Variants in SLCO6A1 observed in about 807,000 individuals in gnomAD.
SLCO6A1 encodes solute carrier organic anion transporter family member 6A1, also known as cancer/testis antigen 48.
Under a neutral mutation model 72.7 loss-of-function variants are expected in SLCO6A1, and 65 were observed. The ratio of observed to expected loss-of-function variants is 0.89; its 90% CI spans 0.73 to 1.10. The LOEUF is 1.10. Among genes scored for constraint, SLCO6A1 ranks in the 50% least tolerant of loss-of-function variants. The pLI is 0.00. For synonymous variants in SLCO6A1, 314 were observed against 298.2 expected, an observed-to-expected ratio of 1.05 and a Z score of -0.55; for missense variants, 874 against 872.6, an observed-to-expected ratio of 1.00 and a Z score of -0.02.
chr5:102,470,086 G>C (rs1018341941), intron 4 of SLCO6A1, among the ~76,000 whole-genome samples: 67 of 152,080 alleles, frequency 4.4e-4, no homozygotes, highest in Non-Finnish European at 8.2e-4. Context: ...TTTTCGCATC[G>C]ATGTTCATCA....
intron 12 of SLCO6A1, among the ~76,000 whole-genome samples, chr5:102,375,786 A>G (rs192929865): frequency 6.6e-6 from 1 of 152,292 alleles, no homozygotes; most frequent in Admixed American, 6.5e-5. Flanking sequence ...TCCAAGATAC[A>G]TGAAATAGTA....
intron 6 of SLCO6A1, among the ~76,000 whole-genome samples, chr5:102,455,385 C>T (rs1470461991): frequency 6.6e-6 from 1 of 151,948 alleles, no homozygotes; most frequent in Non-Finnish European, 1.5e-5. Context: ...ATGAGAAATA[C>T]AATTTTGCAA....
Position 102,458,419 on chromosome 5 carries a change from A to G in SLCO6A1, c.1094T>C (p.Leu365Pro). Residue 365 changes from leucine (L) to proline (P), a missense_variant, in exon 6 of 14, where the codon CTT (leucine) becomes CCT (proline). Leu to Pro is a moderately conservative substitution (Grantham distance 98). Transcript: ENST00000506729. The part of the protein sequence containing the change: ...FFDSRLKDLK[L>P]GTNIKDLCAA... Reference sequence around the variant, plus strand: ...ACATAAATCCTTGATATTAGTTCCAAGTTTCAGATCTTTAAGTCTGCTGTC... The same window carrying G: ...ACATAAATCCTTGATATTAGTTCCAGGTTTCAGATCTTTAAGTCTGCTGTC... 1.2e-6 allele frequency: 2 copies of G among 1,612,908 alleles called. No individual in the cohort carries two copies. Among genetic ancestry groups the G allele is most frequent in the Non-Finnish European group, 1.7e-6 (2 of 1,179,392 alleles).
intron 4 of SLCO6A1, among the ~76,000 whole-genome samples, chr5:102,461,885 A>G (rs911087983): frequency 6.6e-6 from 1 of 152,102 alleles, no homozygotes; most frequent in African/African-American, 2.4e-5. Flanking sequence ...GAGCAATTAA[A>G]CAAGAGAAAG....
chr5:102,480,429 C>T lies in SLCO6A1; in HGVS notation c.364G>A (p.Val122Met). The change falls in exon 2 of 14, where the codon GTG (valine) becomes ATG (methionine). Residue 122 changes from valine to methionine, a missense_variant. Val to Met is a conservative substitution (Grantham distance 21, BLOSUM62 1). Coordinates refer to ENST00000506729, the MANE Select transcript of SLCO6A1 (RefSeq NM_173488.5). ...YCILLICQGVVFGLIDVSIGD... is the reference protein window; with the variant it reads ...YCILLICQGVMFGLIDVSIGD... ...ATGCTGACATCTATAAGACCAAACA[C>T]CACACCTAAAATGTAAAAAGAAAAA... 3 of 1,607,678 alleles carry T rather than the reference C, an allele frequency of 1.9e-6. No homozygotes were observed. Among genetic ancestry groups the T allele is most frequent in the South Asian group, 1.1e-5 (1 of 89,574 alleles).
intron 6 of SLCO6A1, among the ~76,000 whole-genome samples, chr5:102,453,275 C>G (rs1242148628): frequency 6.6e-6 from 1 of 151,196 alleles, no homozygotes; most frequent in Non-Finnish European, 1.5e-5. Context: ...GAGACTGAGG[C>G]TGCAGTGAGC....
At position 102,391,187 on chromosome 5, in the gene SLCO6A1, T is replaced by C; in HGVS notation, c.1815-142A>G. 3 of 752,710 alleles carry C rather than the reference T, an allele frequency of 4.0e-6. No homozygotes were observed. In the South Asian group the frequency reaches 5.4e-5, roughly 14 times the overall value. 46.6% of individuals were successfully genotyped at this position (752,710 alleles called of 1,614,324 possible). On this transcript the variant is annotated intron_variant, in intron 10 of 13. Coordinates refer to ENST00000506729, the MANE Select transcript of SLCO6A1 (RefSeq NM_173488.5). Reference sequence around the variant, plus strand: ...TTTAGCCAATTGACAGAGTTTAAGCTGGCCTGTTAAAGGACTACAACTCCC... The same window carrying C: ...TTTAGCCAATTGACAGAGTTTAAGCCGGCCTGTTAAAGGACTACAACTCCC...
At chr5:102,463,853 T>C (rs1248116749) in intron 4 of SLCO6A1, among the ~76,000 whole-genome samples, 1 of 145,408 alleles carries the variant, frequency 6.9e-6, no homozygotes, top group Non-Finnish European at 1.5e-5. Context: ...GCCATTGCAC[T>C]CCAGCCTGGG....
At position 102,373,377 on chromosome 5, in the gene SLCO6A1, T is replaced by G; in HGVS notation, c.2135A>C (p.Lys712Thr). Residue 712 changes from lysine (K) to threonine (T), a missense_variant, in exon 13 of 14, where the codon AAG becomes ACG. Transcript: ENST00000506729. ...PDVTVKNPKVKKKEETDL is the reference protein window; with the variant it reads ...PDVTVKNPKVTKKEETDL ...TTACAAGTCAGTTTCTTCTTTTTTC[T>G]TAACTTTTGGATTCTTCACAGTTAC... The G allele has an allele frequency of 6.4e-7, 1 of 1,567,750 alleles. No individual in the cohort carries two copies. The highest frequency in any genetic ancestry group is 8.6e-7 in the Non-Finnish European group (1 of 1,161,636).
chr5:102,407,599 G>C (rs930699692), intron 9 of SLCO6A1, among the ~76,000 whole-genome samples: 30 of 152,134 alleles, frequency 2.0e-4, no homozygotes, highest in African/African-American at 6.0e-4. Context: ...AGGCTATCTT[G>C]GATAAACCTC....
intron 6 of SLCO6A1, among the ~76,000 whole-genome samples, chr5:102,447,434 T>C (rs1334071993): frequency 6.6e-6 from 1 of 152,174 alleles, no homozygotes; most frequent in African/African-American, 2.4e-5. Context: ...ATAGTTTCAG[T>C]AGGATTGGTT....
At chr5:102,442,589 A>G (rs1361645227) in intron 6 of SLCO6A1, among the ~76,000 whole-genome samples, 7 of 152,230 alleles carry the variant, frequency 4.6e-5, no homozygotes, top group Non-Finnish European at 8.8e-5. Context: ...TCTACATGGT[A>G]TAAAACACAG....
intron 7 of SLCO6A1, among the ~76,000 whole-genome samples, chr5:102,428,666 A>C (rs1437506623): frequency 6.6e-6 from 1 of 152,070 alleles, no homozygotes; most frequent in Non-Finnish European, 1.5e-5. Flanking sequence ...CTCCACCCTC[A>C]GGTAGGCTCC....
chr5:102,374,447 G>T, intron 12 of SLCO6A1, among the ~76,000 whole-genome samples: 1 of 152,064 alleles, frequency 6.6e-6, no homozygotes, highest in East Asian at 1.9e-4. Context: ...ACTACAGGTG[G>T]TGACACCACA....
chr5:102,487,917 C>T (rs535994329), intron 1 of SLCO6A1, among the ~76,000 whole-genome samples: 1 of 152,264 alleles, frequency 6.6e-6, no homozygotes, highest in African/African-American at 2.4e-5. Flanking sequence ...CACTGTAAAA[C>T]AAGACCAAGG....
At chr5:102,489,110 T>C (rs893339887) in intron 1 of SLCO6A1, among the ~76,000 whole-genome samples, 1 of 152,190 alleles carries the variant, frequency 6.6e-6, no homozygotes, top group African/African-American at 2.4e-5. Context: ...CATCAAGAAA[T>C]TGAGCAATGC....
At chr5:102,422,702 C>T (rs6596488) in intron 7 of SLCO6A1, among the ~76,000 whole-genome samples, 96,793 of 151,950 alleles carry the variant, frequency 0.64, 31,008 homozygotes, top group African/African-American at 0.66. Flanking sequence ...AAACACACTG[C>T]AGGATATTAT....
chr5:102,416,669 C>T (rs534606121), intron 8 of SLCO6A1, among the ~76,000 whole-genome samples: 156 of 152,264 alleles, frequency 1.0e-3, no homozygotes, highest in African/African-American at 3.6e-3. Flanking sequence ...AAAGCCCTGA[C>T]TTGACCACTT....
Position 102,385,423 on chromosome 5 carries a change from G to A in SLCO6A1, c.2017+3265C>T, listed in dbSNP as rs78505307. ...CCTTTATCTTTCTCTGTTCCTTCTG[G>A]GACTCTCATAATGCATAGATTGGTT... On this transcript the variant is annotated intron_variant, in intron 12 of 13. Coordinates refer to ENST00000506729, the MANE Select transcript of SLCO6A1 (RefSeq NM_173488.5). Among the ~76,000 whole-genome samples, 1,239 of 151,882 alleles carry A rather than the reference G, an allele frequency of 8.2e-3. 12 individuals carry two copies. Among genetic ancestry groups the A allele is most frequent in the Non-Finnish European group, 0.015 (1,008 of 67,922 alleles).
Sources: gnomAD v4.1 joint callset for allele counts (sites outside exome capture counted in the v4.1 genomes callset) on GRCh38, gnomAD v4.1.1 for gene constraint, MANE v1.5 for transcripts, NCBI Gene and HGNC (gene_info 2026-07-23, HGNC 2026-07-21) for gene names.